Variants in ABI1 observed in about 807,000 individuals in gnomAD.
ABI1 encodes the protein Abelson interactor 1.
A neutral mutation model predicts 54.6 loss-of-function variants in ABI1; 14 were observed. The ratio of observed to expected loss-of-function variants is 0.26; its 90% CI spans 0.17 to 0.40. The LOEUF is 0.40. Ranked by LOEUF, ABI1 falls within the 10% of genes least tolerant of loss-of-function variation. ABI1 has a pLI of 1.00. For missense variants in ABI1, 443 were observed against 598.3 expected, an observed-to-expected ratio of 0.74 and a Z score of 2.71; for synonymous variants, 194 against 209.3, an observed-to-expected ratio of 0.93 and a Z score of 0.63.
intron 8 of ABI1, among the ~76,000 whole-genome samples, chr10:26,758,477 CA>C (rs755697307): frequency 6.6e-6 from 1 of 152,082 alleles, no homozygotes; most frequent in Non-Finnish European, 1.5e-5. Context: ...ACACTGACTG[CA>C]ATTAGTGTTG....
At chr10:26,776,607 G>A (rs7092571) in intron 3 of ABI1, 35,183 of 149,718 alleles carry the variant, frequency 0.23, 4,649 homozygotes, top group African/African-American at 0.35. Flanking sequence ...AGATTGGGGG[G>A]CATTAAGACA....
intron 1 of ABI1, among the ~76,000 whole-genome samples, chr10:26,835,959 C>T (rs1189312150): frequency 6.6e-6 from 1 of 151,736 alleles, no homozygotes; most frequent in Admixed American, 6.6e-5. Context: ...CACCATGTTG[C>T]CCAGGCTGGT....
intron 6 of ABI1, 67 bp from the exon 7 acceptor site, chr10:26,765,385 AC>A: frequency 9.0e-7 from 1 of 1,108,288 alleles, no homozygotes; most frequent in Non-Finnish European, 1.3e-6. Context: ...AACTGTAATC[AC>A]CCAAGGCCAC....
chr10:26,854,154 C>G (rs1239209994), intron 1 of ABI1, among the ~76,000 whole-genome samples: 2 of 152,056 alleles, frequency 1.3e-5, no homozygotes, highest in East Asian at 3.9e-4. Flanking sequence ...TTGCAAGTAT[C>G]CTAAGAGATT....
At chr10:26,828,374 G>A in intron 1 of ABI1, among the ~76,000 whole-genome samples, 1 of 152,296 alleles carries the variant, frequency 6.6e-6, no homozygotes, top group East Asian at 1.9e-4. Flanking sequence ...AAATATGACA[G>A]AGACATGCAA....
intron 1 of ABI1, among the ~76,000 whole-genome samples, chr10:26,836,845 T>TTA (rs1211106573): frequency 1.3e-5 from 2 of 152,184 alleles, no homozygotes; most frequent in Non-Finnish European, 2.9e-5. Flanking sequence ...TTGTATTACT[T>TTA]ATAGCCAAAT....
intron 2 of ABI1, among the ~76,000 whole-genome samples, chr10:26,787,336 A>G (rs927148582): frequency 6.6e-6 from 1 of 152,136 alleles, no homozygotes; most frequent in Non-Finnish European, 1.5e-5. Flanking sequence ...AATTAATTCA[A>G]AATGTCTTGT....
Position 26,758,265 on chromosome 10 carries a change from G to C in ABI1, c.997+797C>G, listed in dbSNP as rs1158261527. Among the ~76,000 whole-genome samples the C allele has an allele frequency of 2.6e-5, 4 of 152,044 alleles. No individual in the cohort carries two copies. The East Asian group carries it at 7.7e-4, about 29-fold the overall frequency. ...AGAGCCACAAAAGCCATGTAGGAAA[G>C]CTTGTCTCATTCTATGCCCAGTGGG... On this transcript the variant is annotated intron_variant, in intron 8 of 10. Transcript: ENST00000376140.
At chr10:26,800,680 A>T (rs116065761) in intron 2 of ABI1, among the ~76,000 whole-genome samples, 66 of 152,304 alleles carry the variant, frequency 4.3e-4, no homozygotes, top group African/African-American at 1.5e-3. Flanking sequence ...GCAACGAGCC[A>T]TGACAGGACC....
chr10:26,792,619 G>C (rs1027551003), intron 2 of ABI1, among the ~76,000 whole-genome samples: 1 of 152,102 alleles, frequency 6.6e-6, no homozygotes, highest in African/African-American at 2.4e-5. Context: ...GGTCAAGCAA[G>C]GCTTTTATAA....
rs117591178 is a variant in ABI1 at position 26,827,993 on chromosome 10, G to T, written c.118-4688C>A. On this transcript the variant is annotated intron_variant, in intron 1 of 10. Coordinates refer to ENST00000376140, the MANE Select transcript of ABI1 (RefSeq NM_001012750.3). ...ATTCACAACTTAGCTAAAGTTTGCA[G>T]CAAGAGGCTTAACGTTTGGCCTATC... 3.6e-3 allele frequency among the ~76,000 whole-genome samples: 546 copies of T among 152,322 alleles called. 4 individuals carry two copies. The highest frequency in any genetic ancestry group is 0.029 in the East Asian group (152 of 5,184).
chr10:26,830,723 C>T (rs911918806), intron 1 of ABI1, among the ~76,000 whole-genome samples: 7 of 151,802 alleles, frequency 4.6e-5, no homozygotes, highest in African/African-American at 1.7e-4. Context: ...AATTCTAGTG[C>T]TCCACATCCT....
At chr10:26,857,187 G>C (rs928387299) in intron 1 of ABI1, among the ~76,000 whole-genome samples, 5 of 151,842 alleles carry the variant, frequency 3.3e-5, no homozygotes, top group African/African-American at 7.3e-5. Context: ...CAAGCGTGGT[G>C]GTGGGCACCT....
chr10:26,767,552 C>T (rs921599826), intron 6 of ABI1, among the ~76,000 whole-genome samples: 13 of 152,102 alleles, frequency 8.5e-5, no homozygotes, highest in African/African-American at 2.4e-4. Context: ...AAGGTCGAGG[C>T]GATAACCAGG....
At chr10:26,841,879 T>C (rs2049541037) in intron 1 of ABI1, among the ~76,000 whole-genome samples, 1 of 152,218 alleles carries the variant, frequency 6.6e-6, no homozygotes, top group Admixed American at 6.5e-5. Flanking sequence ...CTAATGTAAA[T>C]AACACTGCAA....
At position 26,860,894 on chromosome 10, in the gene ABI1, G is replaced by T. The variant is rs746579313; in HGVS notation, c.-31C>A. On this transcript the variant is annotated 5_prime_UTR_variant, in exon 1 of 11. Transcript: ENST00000376140. The surrounding 1 kb of genome is among the most constrained non-coding windows in gnomAD (Gnocchi z 4.1). ...ACCCCTCTGCATCGCTTCCTCTCGC[G>T]TTAAAGAGACAGAGGCAGCAAGGTC... The T allele has an allele frequency of 3.1e-6, 5 of 1,597,598 alleles. No individual in the cohort carries two copies. The Admixed American group carries it at 8.3e-5, about 27-fold the overall frequency.
At chr10:26,769,053 A>C (rs182482516) in intron 5 of ABI1, 61 bp from the exon 6 acceptor site, 3 of 1,327,320 alleles carry the variant, frequency 2.3e-6, no homozygotes, top group South Asian at 1.8e-5. Flanking sequence ...TATTTTTCCC[A>C]AAAATATGTG....
rs2046763753 is a variant in ABI1 at position 26,804,530 on chromosome 10, T to G, written c.285+18608A>C. Among the ~76,000 whole-genome samples the G allele has an allele frequency of 2.6e-5, 4 of 151,984 alleles. No homozygotes were observed. In the South Asian group the frequency reaches 8.3e-4, roughly 32 times the overall value. On this transcript the variant is annotated intron_variant, in intron 2 of 10. Coordinates refer to ENST00000376140, the MANE Select transcript of ABI1 (RefSeq NM_001012750.3). ...AAGGCATGGTTAGGAAAACTTAAGATGGGAAGACATACACATGTTAAATGT... is the reference window on the plus strand; with the variant it reads ...AAGGCATGGTTAGGAAAACTTAAGAGGGGAAGACATACACATGTTAAATGT...
chr10:26,846,718 T>C (rs1261543326), intron 1 of ABI1, among the ~76,000 whole-genome samples: 2 of 152,150 alleles, frequency 1.3e-5, no homozygotes, highest in African/African-American at 4.8e-5. Context: ...GGTACCTACC[T>C]ACCTCTTCAC....
Sources: allele counts gnomAD v4.1 joint callset (sites outside exome capture counted in the v4.1 genomes callset), GRCh38; gene constraint gnomAD v4.1.1; non-coding constraint Gnocchi (gnomAD v3.1); transcripts MANE v1.5; gene names NCBI Gene and HGNC (gene_info 2026-07-23, HGNC 2026-07-21).